Variants in OSBPL1A observed in about 807,000 individuals in gnomAD.
OSBPL1A encodes oxysterol binding protein like 1A.
In OSBPL1A, 80 loss-of-function variants were observed where a neutral mutation model predicts 137.1. That is an observed-to-expected ratio of 0.58 (90% CI 0.49 to 0.70). The LOEUF is 0.70. OSBPL1A is among the 30% of genes least tolerant of loss of function. The pLI, the probability that OSBPL1A is intolerant of heterozygous loss-of-function variation, is 0.00. For synonymous variants in OSBPL1A, 365 were observed against 389.7 expected (o/e 0.94, Z 0.75); for missense variants, 970 against 1,129.4 (o/e 0.86, Z 2.02).
chr18:24,239,204 A>G lies in OSBPL1A; in HGVS notation c.1444+16T>C, dbSNP rs1250835989. 2 of 1,611,062 alleles carry G rather than the reference A, an allele frequency of 1.2e-6. No homozygotes were observed. The highest frequency in any genetic ancestry group is 2.2e-5 in the South Asian group (2 of 90,698). ...CTAAATCACCAACAATGCAGAGGGA[A>G]GGATCCCAGAGTTACCTGACAGCGC... is the stretch of plus-strand genomic sequence containing the variant. On this transcript the variant is annotated intron_variant, in intron 16 of 27. Coordinates refer to ENST00000319481, the MANE Select transcript of OSBPL1A (RefSeq NM_080597.4).
chr18:24,355,231 T>C (rs1042091780), intron 4 of OSBPL1A, among the ~76,000 whole-genome samples: 10 of 152,038 alleles, frequency 6.6e-5, no homozygotes, highest in African/African-American at 2.2e-4. Context: ...TGCCCACTTA[T>C]TAAGGCTCAC....
chr18:24,229,518 A>G (rs958408838), intron 16 of OSBPL1A, among the ~76,000 whole-genome samples: 11 of 152,190 alleles, frequency 7.2e-5, no homozygotes, highest in Admixed American at 5.2e-4. Context: ...TATACCTTCA[A>G]AGCCTTGGTC....
chr18:24,385,041 G>A (rs2957249), intron 1 of OSBPL1A, among the ~76,000 whole-genome samples: 129,250 of 149,768 alleles, frequency 0.86, 55,839 homozygotes, highest in African/African-American at 0.91. Flanking sequence ...TGCAAGCTCC[G>A]CCTCCCGGGT....
At chr18:24,387,927 C>T (rs1555661547) in intron 1 of OSBPL1A, among the ~76,000 whole-genome samples, 1 of 151,988 alleles carries the variant, frequency 6.6e-6, no homozygotes, top group Non-Finnish European at 1.5e-5. Context: ...CATCGCCTTC[C>T]CTAATTCTAA....
intron 15 of OSBPL1A, among the ~76,000 whole-genome samples, chr18:24,262,685 A>T (rs905958310): frequency 1.4e-5 from 2 of 146,542 alleles, no homozygotes; most frequent in Non-Finnish European, 3.0e-5. Flanking sequence ...CACCATCAAG[A>T]TACAGGACAT....
Position 24,313,681 on chromosome 18 carries a change from A to C in OSBPL1A, c.969+568T>G, listed in dbSNP as rs374262387. Among the ~76,000 whole-genome samples the C allele has an allele frequency of 4.6e-5, 7 of 152,344 alleles. No individual in the cohort carries two copies. In the East Asian group the frequency reaches 9.6e-4, roughly 21 times the overall value. The stretch of plus-strand genomic sequence containing the variant: ...AAGTTAAGGCGTAGACCTGTCATTT[A>C]CATTAAAAGGATGCCCCTTACATTC... On this transcript the variant is annotated intron_variant, in intron 12 of 27. Coordinates refer to ENST00000319481, the MANE Select transcript of OSBPL1A (RefSeq NM_080597.4).
intron 4 of OSBPL1A, among the ~76,000 whole-genome samples, chr18:24,355,953 CCA>C (rs1225026266): frequency 1.4e-5 from 2 of 146,934 alleles, no homozygotes; most frequent in African/African-American, 2.5e-5. Context: ...CCACTGCACT[CCA>C]GTTAGGGCAA....
Position 24,163,170 on chromosome 18 carries a change from G to C in OSBPL1A, c.*9C>G. 6.3e-7 allele frequency: 1 copy of C among 1,582,384 alleles called. No individual in the cohort carries two copies. Among genetic ancestry groups the C allele is most frequent in the South Asian group, 1.1e-5 (1 of 90,054 alleles). On this transcript the variant is annotated 3_prime_UTR_variant, in exon 28 of 28. Transcript: ENST00000319481. The stretch of plus-strand genomic sequence containing the variant: ...GTAGATTAGCCAAACACCCTGACTT[G>C]TATGCATTTTAATAAATGTCAGGCA...
intron 1 of OSBPL1A, among the ~76,000 whole-genome samples, chr18:24,391,088 C>A (rs898974501): frequency 6.6e-6 from 1 of 152,038 alleles, no homozygotes; most frequent in African/African-American, 2.4e-5. Flanking sequence ...GGCGACAAAG[C>A]AAGACTCTGT....
intron 13 of OSBPL1A, among the ~76,000 whole-genome samples, chr18:24,308,132 T>G (rs1353330328): frequency 6.8e-6 from 1 of 147,408 alleles, no homozygotes; most frequent in African/African-American, 2.5e-5. Flanking sequence ...TTTTTTTTTT[T>G]TGAGACAGGG....
intron 2 of OSBPL1A, among the ~76,000 whole-genome samples, chr18:24,373,348 C>A (rs1462284642): frequency 7.2e-5 from 11 of 152,094 alleles, no homozygotes; most frequent in African/African-American, 1.9e-4. Flanking sequence ...GTTGAGACTG[C>A]CAATATAAGT....
chr18:24,263,522 T>G (rs531173008), intron 15 of OSBPL1A, among the ~76,000 whole-genome samples: 3 of 152,376 alleles, frequency 2.0e-5, no homozygotes, highest in African/African-American at 7.2e-5. Flanking sequence ...ACACTGCGAT[T>G]GCAATATTTG....
chr18:24,315,370 G>A (rs1465990594), intron 11 of OSBPL1A, among the ~76,000 whole-genome samples: 1 of 151,900 alleles, frequency 6.6e-6, no homozygotes, highest in Non-Finnish European at 1.5e-5. Flanking sequence ...TCTGACTCAT[G>A]AGCCACACAC....
chr18:24,322,301 T>C (rs1268267064), intron 7 of OSBPL1A, among the ~76,000 whole-genome samples: 1 of 151,226 alleles, frequency 6.6e-6, no homozygotes, highest in East Asian at 1.9e-4. Context: ...TTTTTTTTTT[T>C]TAGTAGAGAT....
At chr18:24,280,484 A>G (rs2089934996) in intron 15 of OSBPL1A, among the ~76,000 whole-genome samples, 1 of 152,234 alleles carries the variant, frequency 6.6e-6, no homozygotes. Flanking sequence ...GTTTACATAG[A>G]TAAGTATGAT....
chr18:24,376,214 T>C (rs1906122226), intron 2 of OSBPL1A, among the ~76,000 whole-genome samples: 1 of 152,160 alleles, frequency 6.6e-6, no homozygotes, highest in African/African-American at 2.4e-5. Context: ...GTGGTCTGTT[T>C]TGACAGGGTG....
At chr18:24,361,509 T>C (rs9948982) in intron 4 of OSBPL1A, among the ~76,000 whole-genome samples, 32,841 of 152,134 alleles carry the variant, frequency 0.22, 4,117 homozygotes, top group East Asian at 0.51. Flanking sequence ...AAACTAAGGC[T>C]CAATTTAGCA....
chr18:24,240,008 C>T (rs2088637918), intron 15 of OSBPL1A, among the ~76,000 whole-genome samples: 1 of 149,318 alleles, frequency 6.7e-6, no homozygotes, highest in Non-Finnish European at 1.5e-5. Context: ...TCTGAAACCT[C>T]CGCCTCTTGG....
chr18:24,354,556 T>C (rs1427513559), intron 4 of OSBPL1A, among the ~76,000 whole-genome samples: 1 of 151,640 alleles, frequency 6.6e-6, no homozygotes, highest in Non-Finnish European at 1.5e-5. Flanking sequence ...CAGAGATAAA[T>C]GATGCCTTCA....
Sources: allele counts gnomAD v4.1 joint callset (sites outside exome capture counted in the v4.1 genomes callset), GRCh38; gene constraint gnomAD v4.1.1; transcripts MANE v1.5; gene names NCBI Gene and HGNC (gene_info 2026-07-23, HGNC 2026-07-21).